The following KCND2 variants were observed in gnomAD, a reference collection of about 807,000 sequenced individuals.
KCND2 encodes the protein A-type voltage-gated potassium channel KCND2.
Under a neutral mutation model 54.4 loss-of-function variants are expected in KCND2, and 16 were observed. That is an observed-to-expected ratio of 0.29 (90% CI 0.20 to 0.45). The LOEUF (loss-of-function observed/expected upper bound fraction) is 0.45. KCND2 is among the 20% of genes least tolerant of loss of function. The probability of loss-of-function intolerance (pLI) is 1.00; values close to 1 mark genes in which losing one functional copy is unlikely to be tolerated. For missense variants in KCND2, 486 were observed against 824.2 expected (o/e 0.59, Z 5.02); for synonymous variants, 317 against 310.7 (o/e 1.02, Z -0.21).
chr7:120,363,190 G>A lies in KCND2; in HGVS notation c.1115+87443G>A, dbSNP rs569342440. 1.9e-4 allele frequency among the ~76,000 whole-genome samples: 29 copies of A among 152,106 alleles called. No homozygotes were observed. The South Asian group carries it at 5.8e-3, about 31-fold the overall frequency. The stretch of plus-strand genomic sequence containing the variant: ...GCATGCCTGTAGTCATAGCTACTCG[G>A]GTGGCTGAGGAAAGAGGGTGACTTG... On this transcript the variant is annotated intron_variant, in intron 1 of 5. Transcript: ENST00000331113.
At chr7:120,450,358 G>A (rs1199971723) in intron 1 of KCND2, among the ~76,000 whole-genome samples, 2 of 152,108 alleles carry the variant, frequency 1.3e-5, no homozygotes, top group Admixed American at 6.5e-5. Flanking sequence ...GCAGTGAGCC[G>A]AGATCGCGTC....
intron 1 of KCND2, among the ~76,000 whole-genome samples, chr7:120,497,789 C>T (rs770427407): frequency 2.9e-4 from 44 of 152,036 alleles, no homozygotes; most frequent in Non-Finnish European, 5.4e-4. Flanking sequence ...ATTTTTTGAC[C>T]TAAATTAATC....
rs75230130 is a variant in KCND2, at chr7:120,516,925, A to C, written c.1116-215978A>C. Among the ~76,000 whole-genome samples, 69 of 152,260 alleles carry C rather than the reference A, an allele frequency of 4.5e-4. 1 individual carries two copies. In the East Asian group the frequency reaches 0.01, roughly 23 times the overall value. On this transcript the variant is annotated intron_variant, in intron 1 of 5. Transcript: ENST00000331113. The stretch of plus-strand genomic sequence containing the variant: ...GAGAAGTGTTGTGTAAAACTACATA[A>C]AATGGTGGACATCCTGAAGTTGTTC...
At chr7:120,427,053 A>G (rs1801718545) in intron 1 of KCND2, among the ~76,000 whole-genome samples, 1 of 152,174 alleles carries the variant, frequency 6.6e-6, no homozygotes, top group Non-Finnish European at 1.5e-5. Flanking sequence ...CTGGTGTTTT[A>G]AGTTGGTCAT....
chr7:120,292,129 T>TA (rs1799443663), intron 1 of KCND2, among the ~76,000 whole-genome samples: 1 of 151,936 alleles, frequency 6.6e-6, no homozygotes, highest in Non-Finnish European at 1.5e-5. Flanking sequence ...AATGCAATAT[T>TA]ACCATTGGTA....
chr7:120,434,055 G>A (rs1404086812), intron 1 of KCND2, among the ~76,000 whole-genome samples: 1 of 152,154 alleles, frequency 6.6e-6, no homozygotes, highest in East Asian at 1.9e-4. Context: ...CTAGTGTAAT[G>A]TAAGGGAAAT....
At chr7:120,657,561 T>C (rs1791817897) in intron 1 of KCND2, among the ~76,000 whole-genome samples, 1 of 152,072 alleles carries the variant, frequency 6.6e-6, no homozygotes, top group Admixed American at 6.6e-5. Context: ...AAACAGCAAG[T>C]TGAGGCCAGG....
intron 1 of KCND2, among the ~76,000 whole-genome samples, chr7:120,413,529 A>G (rs1400293514): frequency 6.6e-6 from 1 of 152,040 alleles, no homozygotes; most frequent in Non-Finnish European, 1.5e-5. Context: ...ATGTATACAC[A>G]TACATAAATC....
At chr7:120,680,236 G>T (rs935460038) in intron 1 of KCND2, among the ~76,000 whole-genome samples, 3 of 152,034 alleles carry the variant, frequency 2.0e-5, no homozygotes, top group Admixed American at 6.6e-5. Flanking sequence ...TTGCTCTCTG[G>T]CTGGGAAGAC....
At chr7:120,525,878 A>G (rs954642978) in intron 1 of KCND2, among the ~76,000 whole-genome samples, 2 of 152,178 alleles carry the variant, frequency 1.3e-5, no homozygotes, top group Admixed American at 1.3e-4. Context: ...TCCTTTAGAA[A>G]TATTTTCAAT....
intron 1 of KCND2, among the ~76,000 whole-genome samples, chr7:120,456,641 TAA>T (rs1802205037): frequency 6.6e-6 from 1 of 152,186 alleles, no homozygotes; most frequent in South Asian, 2.1e-4. Context: ...AGCAGCACAG[TAA>T]AAATATACTT....
At chr7:120,524,774 C>G (rs1477819503) in intron 1 of KCND2, among the ~76,000 whole-genome samples, 1 of 152,178 alleles carries the variant, frequency 6.6e-6, no homozygotes, top group African/African-American at 2.4e-5. Flanking sequence ...AAAATACTCA[C>G]AAGAGATACT....
intron 1 of KCND2, among the ~76,000 whole-genome samples, chr7:120,722,660 A>G (rs535128404): frequency 6.6e-6 from 1 of 152,230 alleles, no homozygotes; most frequent in Non-Finnish European, 1.5e-5. Context: ...CAAAAATAAA[A>G]TAGGTAAATA....
Position 120,558,853 on chromosome 7 carries a change from A to G in KCND2, c.1116-174050A>G, listed in dbSNP as rs146542008. Among the ~76,000 whole-genome samples, 756 of 152,268 alleles carry G rather than the reference A, an allele frequency of 5.0e-3. 8 individuals are homozygous for G. The highest frequency in any genetic ancestry group is 0.017 in the African/African-American group (716 of 41,564). On this transcript the variant is annotated intron_variant, in intron 1 of 5. Transcript: ENST00000331113. ...TGATGAGAAGCAAACTAGAATATCT[A>G]GGAAATTATTATATCCAACAGGGAA...
At chr7:120,424,261 C>A (rs543708506) in intron 1 of KCND2, among the ~76,000 whole-genome samples, 4 of 152,066 alleles carry the variant, frequency 2.6e-5, no homozygotes, top group Admixed American at 2.6e-4. Context: ...ATCCTGGGCA[C>A]GCTAATAATG....
chr7:120,409,304 G>T (rs920938233), intron 1 of KCND2, among the ~76,000 whole-genome samples: 8 of 151,780 alleles, frequency 5.3e-5, no homozygotes, highest in Admixed American at 2.6e-4. Flanking sequence ...ACCTCAGATT[G>T]TTTATCAATT....
At chr7:120,581,818 TCTC>T (rs1402486064) in intron 1 of KCND2, among the ~76,000 whole-genome samples, 15 of 152,110 alleles carry the variant, frequency 9.9e-5, no homozygotes, top group Admixed American at 9.2e-4. Context: ...TTCATGCAAT[TCTC>T]CTGCCTCAGC....
chr7:120,292,845 G>A (rs1454873664), intron 1 of KCND2, among the ~76,000 whole-genome samples: 1 of 151,680 alleles, frequency 6.6e-6, no homozygotes, highest in Non-Finnish European at 1.5e-5. Flanking sequence ...TCTTCCCTAA[G>A]TCATTCAAAC....
At chr7:120,485,978 A>G (rs1436504141) in intron 1 of KCND2, among the ~76,000 whole-genome samples, 1 of 152,198 alleles carries the variant, frequency 6.6e-6, no homozygotes, top group African/African-American at 2.4e-5. Flanking sequence ...CCCAAGAGTT[A>G]TTGTGTTTTT....
Sources: allele counts gnomAD v4.1 joint callset (sites outside exome capture counted in the v4.1 genomes callset), GRCh38; gene constraint gnomAD v4.1.1; transcripts MANE v1.5; gene names NCBI Gene and HGNC (gene_info 2026-07-23, HGNC 2026-07-21).